The following AIMP2 variants were observed in gnomAD, a reference collection of about 807,000 sequenced individuals.
AIMP2 encodes aminoacyl tRNA synthase complex-interacting multifunctional protein 2.
In AIMP2, 20 loss-of-function variants were observed where a neutral mutation model predicts 23.4. The ratio of observed to expected loss-of-function variants is 0.85; its 90% CI spans 0.60 to 1.24. AIMP2 has a LOEUF of 1.24. AIMP2 is among the 50% of genes most tolerant of loss of function. The pLI is 0.00. For synonymous variants in AIMP2, 210 were observed against 170.4 expected (o/e 1.23, Z -1.81); for missense variants, 515 against 414.5 (o/e 1.24, Z -2.10).
chr7:6,015,386 G>A (rs1562725062), intron 2 of AIMP2, 34 bp downstream of exon 2: 1 of 1,603,356 alleles, frequency 6.2e-7, no homozygotes, highest in East Asian at 2.2e-5. Context: ...ACGTTAGTAG[G>A]TACTGAGTGG....
At chr7:6,009,633 C>T (rs868271146) in intron 1 of AIMP2, 135 bp downstream of exon 1, 3 of 727,128 alleles carry the variant, frequency 4.1e-6, no homozygotes, top group Non-Finnish European at 5.8e-6. Flanking sequence ...CGGCCAGGGA[C>T]TCACTCAGAC....
At chr7:6,018,142 TTTTC>T in intron 3 of AIMP2, 97 bp downstream of exon 3, 2 of 908,524 alleles carry the variant, frequency 2.2e-6, no homozygotes, top group Non-Finnish European at 1.6e-6. Flanking sequence ...ATTTTTTTCT[TTTTC>T]TTTTTTTTTT....
chr7:6,021,570 G>C (rs987600262), intron 3 of AIMP2, among the ~76,000 whole-genome samples: 7 of 152,082 alleles, frequency 4.6e-5, no homozygotes, highest in African/African-American at 1.7e-4. Context: ...GGGTGGTGAA[G>C]AGTTTCAGGG....
chr7:6,014,878 C>A, intron 1 of AIMP2: 2 of 462,784 alleles, frequency 4.3e-6, no homozygotes, highest in Non-Finnish European at 7.1e-6. Context: ...TGCCACCATG[C>A]CAGGCTAATT....
chr7:6,010,563 C>T (rs1786592228), intron 1 of AIMP2, among the ~76,000 whole-genome samples: 1 of 152,158 alleles, frequency 6.6e-6, no homozygotes, highest in African/African-American at 2.4e-5. Flanking sequence ...AATTCTCTGC[C>T]TCAGCCTCCT....
intron 1 of AIMP2, among the ~76,000 whole-genome samples, chr7:6,010,063 G>C (rs1786522876): frequency 1.4e-5 from 2 of 147,478 alleles, no homozygotes; most frequent in African/African-American, 5.0e-5. Context: ...ACTGAGGCGG[G>C]AGGATCAATT....
intron 3 of AIMP2, 51 bp from the exon 4 acceptor site, chr7:6,023,252 T>C: frequency 1.3e-6 from 2 of 1,526,412 alleles, no homozygotes; most frequent in Non-Finnish European, 1.7e-6. Context: ...GTGCGAGTAC[T>C]TCCCTCAGGG....
At chr7:6,018,566 G>A (rs1787178537) in intron 3 of AIMP2, among the ~76,000 whole-genome samples, 1 of 151,704 alleles carries the variant, frequency 6.6e-6, no homozygotes, top group Non-Finnish European at 1.5e-5. Flanking sequence ...CCACGCGCAG[G>A]GGCTCACGCC....
intron 3 of AIMP2, among the ~76,000 whole-genome samples, chr7:6,021,164 T>G (rs1016835318): frequency 6.6e-6 from 1 of 151,968 alleles, no homozygotes; most frequent in African/African-American, 2.4e-5. Context: ...CACAGTACTC[T>G]ATGAAATTGT....
At chr7:6,020,387 C>T (rs544122676) in intron 3 of AIMP2, among the ~76,000 whole-genome samples, 1 of 152,228 alleles carries the variant, frequency 6.6e-6, no homozygotes, top group South Asian at 2.1e-4. Context: ...CACCACTATA[C>T]TCCAGCCTGG....
chr7:6,015,009 C>G lies in AIMP2; in HGVS notation c.136-137C>G, dbSNP rs1037102000. On this transcript the variant is annotated intron_variant, in intron 1 of 3. Transcript: ENST00000223029. ...TGCTGGGATTACAGGCGTGAGCCACCACACCCAGCCCATAATGTCTTCTTT... is the reference window on the plus strand; with the variant it reads ...TGCTGGGATTACAGGCGTGAGCCACGACACCCAGCCCATAATGTCTTCTTT... The G allele has an allele frequency of 2.4e-5, 36 of 1,517,530 alleles. No homozygotes were observed. In the African/African-American group the frequency reaches 4.7e-4, roughly 20 times the overall value. The allele number at this position is 1,517,530 out of a possible 1,614,324, so 94.0% of individuals were successfully genotyped here.
chr7:6,009,974 A>AAAAAAAAATATATATATATATAT, intron 1 of AIMP2, among the ~76,000 whole-genome samples: 3 of 26,672 alleles, frequency 1.1e-4, no homozygotes, highest in East Asian at 3.7e-3. Flanking sequence ...AAAAAAAAAA[A>AAAAAAAAATATATATATATATAT]ATATATATAT....
Position 6,009,316 on chromosome 7 carries a change from G to A in AIMP2, c.-48G>A, listed in dbSNP as rs377490622. The A allele has an allele frequency of 6.2e-7, 1 of 1,611,350 alleles. No homozygotes were observed. Among genetic ancestry groups the A allele is most frequent in the African/African-American group, 1.3e-5 (1 of 74,876 alleles). On this transcript the variant is annotated 5_prime_UTR_variant, in exon 1 of 4. Transcript: ENST00000223029. ...TCCGTCGTGACCTCTGACGGTTTCT[G>A]AGCGTTGGCCTTTGGCACGCGCTAC...
In AIMP2 at chr7:6,023,676, C is replaced by G. The variant is rs752074098; in HGVS notation, c.948C>G (p.Leu316=). The G allele has an allele frequency of 6.8e-6, 11 of 1,614,002 alleles. No homozygotes were observed. Among genetic ancestry groups the G allele is most frequent in the Non-Finnish European group, 9.3e-6 (11 of 1,180,034 alleles). The stretch of plus-strand genomic sequence containing the variant: ...ACCTGGCTCCTTTTAACACGGCCCT[C>G]AAGCTCCTTAAGTGAATTGCCGTAA... The part of the protein sequence containing the change: ...CENLAPFNTA[L]KLLK The change falls in exon 4 of 4, where the codon CTC becomes CTG. Residue 316 remains leucine (L), a synonymous_variant. Transcript: ENST00000223029.
chr7:6,009,974 A>AAAAAAAAAAAAAATATAT, intron 1 of AIMP2, among the ~76,000 whole-genome samples: 2 of 26,662 alleles, frequency 7.5e-5, no homozygotes, highest in Non-Finnish European at 1.4e-4. Context: ...AAAAAAAAAA[A>AAAAAAAAAAAAAATATAT]ATATATATAT....
intron 3 of AIMP2, among the ~76,000 whole-genome samples, chr7:6,021,891 A>C (rs1271429021): frequency 2.6e-5 from 4 of 152,156 alleles, no homozygotes; most frequent in African/African-American, 9.6e-5. Flanking sequence ...AAAGTCAGAC[A>C]AATTATGATG....
intron 1 of AIMP2, among the ~76,000 whole-genome samples, chr7:6,009,974 A>AATATATACATATATATAT (rs1554310936): frequency 7.5e-5 from 2 of 26,662 alleles, no homozygotes; most frequent in Non-Finnish European, 1.4e-4. Context: ...AAAAAAAAAA[A>AATATATACATATATATAT]ATATATATAT....
Position 6,009,464 on chromosome 7 carries a change from G to T in AIMP2, c.101G>T (p.Ser34Ile). 6.2e-7 allele frequency: 1 copy of T among 1,608,080 alleles called. No individual in the cohort carries two copies. The highest frequency in any genetic ancestry group is 1.7e-5 in the Admixed American group (1 of 59,348). Residue 34 changes from serine (S) to isoleucine (I), a missense_variant, in exon 1 of 4, where the codon AGC becomes ATC. Physicochemically the swap from Ser to Ile is moderately radical, Grantham distance 142 (BLOSUM62 -2). Transcript: ENST00000223029. ...CGGCTCCCCAACGTGCACGGCAGGA[G>T]CTACGGCCCAGCGCCGGGCGCTGGC... Reference protein sequence around the residue: ...MYRLPNVHGRSYGPAPGAGHV... With the variant: ...MYRLPNVHGRIYGPAPGAGHV...
In AIMP2 at chr7:6,015,429, A is replaced by G. The variant is rs112270120; in HGVS notation, c.342+77A>G. ...AGGGAAATTGTGCTGCTGTGATTAA[A>G]GCCTTAGCTTTCAGGCCGGGCGTGG... On this transcript the variant is annotated intron_variant, in intron 2 of 3. Transcript: ENST00000223029. 31 of 1,519,446 alleles carry G rather than the reference A, an allele frequency of 2.0e-5. No homozygotes were observed. The African/African-American group carries it at 2.5e-4, about 12-fold the overall frequency. The allele number at this position is 1,519,446 out of a possible 1,614,324, so 94.1% of individuals were successfully genotyped here. A position where few individuals can be genotyped will look rare whatever the true frequency, so the allele number is the denominator to read the frequency against.
Sources: gnomAD v4.1 joint callset for allele counts (sites outside exome capture counted in the v4.1 genomes callset) on GRCh38, gnomAD v4.1.1 for gene constraint, MANE v1.5 for transcripts, NCBI Gene and HGNC (gene_info 2026-07-23, HGNC 2026-07-21) for gene names.